Variants in HERC3 observed in about 807,000 individuals in gnomAD.
The protein encoded by HERC3 is HECT and RLD domain containing E3 ubiquitin protein ligase 3.
In HERC3, 58 loss-of-function variants were observed where a neutral mutation model predicts 129.9. The ratio of observed to expected loss-of-function variants is 0.45; its 90% CI spans 0.36 to 0.56. The LOEUF is 0.56. Ranked by LOEUF, HERC3 falls within the 20% of genes least tolerant of loss-of-function variation. The pLI, the probability that HERC3 is intolerant of heterozygous loss-of-function variation, is 0.00. For synonymous variants in HERC3, 430 were observed against 451.0 expected, an observed-to-expected ratio of 0.95 and a Z score of 0.59; for missense variants, 835 against 1,244.2, an observed-to-expected ratio of 0.67 and a Z score of 4.95.
the HERC3 span, among the ~76,000 whole-genome samples, chr4:88,566,689 G>T: frequency 6.6e-6 from 1 of 152,196 alleles, no homozygotes; most frequent in Non-Finnish European, 1.5e-5. Flanking sequence ...TGATGTGGAT[G>T]AAAACCCTCA....
At chr4:88,628,111 G>A (rs948223445) in intron 3 of HERC3, among the ~76,000 whole-genome samples, 2 of 151,998 alleles carry the variant, frequency 1.3e-5, no homozygotes, top group Admixed American at 6.6e-5. Flanking sequence ...TACTAATTTT[G>A]TATCTGCTTA....
At chr4:88,635,588 T>C (rs541189308) in intron 3 of HERC3, among the ~76,000 whole-genome samples, 2 of 152,234 alleles carry the variant, frequency 1.3e-5, no homozygotes, top group East Asian at 3.9e-4. Flanking sequence ...TTCAGGATAT[T>C]ATCCAGGAGA....
intron 23 of HERC3, among the ~76,000 whole-genome samples, chr4:88,698,249 C>T (rs1050033070): frequency 2.0e-5 from 3 of 152,216 alleles, no homozygotes; most frequent in African/African-American, 7.2e-5. Flanking sequence ...CTCCGCATTC[C>T]TCTCCATGCA....
chr4:88,558,326 C>T, the HERC3 span, among the ~76,000 whole-genome samples: 1 of 152,032 alleles, frequency 6.6e-6, no homozygotes, highest in South Asian at 2.1e-4. Flanking sequence ...AGCCACAAAA[C>T]AGAATGAAAT....
chr4:88,605,964 G>A lies in HERC3; in HGVS notation c.141G>A (p.Val47=), dbSNP rs774975672. 1.4e-5 allele frequency: 22 copies of A among 1,614,042 alleles called. No homozygotes were observed. The highest frequency in any genetic ancestry group is 1.8e-5 in the Non-Finnish European group (21 of 1,180,046). ...TGGCCTGTGGGGGAAACCACTCTGT[G>A]TTCCTGCTGGAAGATGGGGAAGTTT... ...KEVACGGNHS[V]FLLEDGEVYT... is the part of the protein sequence containing the mutation. Residue 47 remains valine, a synonymous_variant, in exon 3 of 26, where the codon GTG becomes GTA. Transcript: ENST00000402738.
At chr4:88,687,721 C>G (rs1733629077) in intron 23 of HERC3, among the ~76,000 whole-genome samples, 2 of 152,148 alleles carry the variant, frequency 1.3e-5, no homozygotes, top group African/African-American at 4.8e-5. Flanking sequence ...GAGTGCCTGG[C>G]ACAAAAATAC....
intron 4 of HERC3, among the ~76,000 whole-genome samples, chr4:88,650,786 T>C (rs537288099): frequency 1.3e-5 from 2 of 152,248 alleles, no homozygotes; most frequent in Non-Finnish European, 2.9e-5. Flanking sequence ...GATAATTGGA[T>C]GATTTATTTT....
chr4:88,626,443 C>T (rs1726108154), intron 3 of HERC3, among the ~76,000 whole-genome samples: 1 of 151,922 alleles, frequency 6.6e-6, no homozygotes, highest in African/African-American at 2.4e-5. Flanking sequence ...CTAGAGCTTT[C>T]TTTGTGGGGA....
At chr4:88,560,000 C>A in the HERC3 span, among the ~76,000 whole-genome samples, 1 of 149,216 alleles carries the variant, frequency 6.7e-6, no homozygotes, top group South Asian at 2.1e-4. Flanking sequence ...TGCTCTGTCG[C>A]CCAGGCTGGA....
intron 3 of HERC3, among the ~76,000 whole-genome samples, chr4:88,618,897 C>T (rs1292264775): frequency 1.3e-5 from 2 of 152,170 alleles, no homozygotes; most frequent in Non-Finnish European, 2.9e-5. Context: ...TTTAAATGAA[C>T]CATCAGCTTT....
intron 3 of HERC3, among the ~76,000 whole-genome samples, chr4:88,623,818 G>A (rs957569925): frequency 6.6e-6 from 1 of 152,174 alleles, no homozygotes; most frequent in East Asian, 1.9e-4. Context: ...TAATTTACAC[G>A]CAGTAGGAGT....
chr4:88,689,367 A>AT (rs1410974815), intron 23 of HERC3, among the ~76,000 whole-genome samples: 1 of 145,884 alleles, frequency 6.9e-6, no homozygotes, highest in Admixed American at 6.7e-5. Context: ...AAAAAAAAAA[A>AT]TTAGCCAGGT....
chr4:88,578,581 T>TAA, the HERC3 span, among the ~76,000 whole-genome samples: 1 of 114,240 alleles, frequency 8.8e-6, no homozygotes, highest in Non-Finnish European at 2.0e-5. Context: ...AACTCCATCA[T>TAA]AAAAAAAAAA....
chr4:88,619,092 T>A (rs531636371), intron 3 of HERC3, among the ~76,000 whole-genome samples: 2 of 152,338 alleles, frequency 1.3e-5, no homozygotes, highest in East Asian at 3.9e-4. Flanking sequence ...TTTTAGTTTG[T>A]TTGCTCTGTG....
At chr4:88,580,547 T>A in the HERC3 span, among the ~76,000 whole-genome samples, 8 of 152,038 alleles carry the variant, frequency 5.3e-5, no homozygotes, top group East Asian at 1.5e-3. Flanking sequence ...GGAAGTGGAA[T>A]TAATTTTCTG....
chr4:88,526,981 A>G, the HERC3 span, among the ~76,000 whole-genome samples: 12 of 151,670 alleles, frequency 7.9e-5, no homozygotes, highest in Admixed American at 1.3e-4. Context: ...GTCAATAAAC[A>G]TATTAAAAAA....
chr4:88,595,656 T>G (rs1320898285), intron 2 of HERC3, 42 bp downstream of exon 2: 1 of 152,102 alleles, frequency 6.6e-6, no homozygotes, highest in Non-Finnish European at 1.5e-5. Flanking sequence ...TTTCATCTTG[T>G]AAATGGAGTC....
chr4:88,582,634 G>T, the HERC3 span, among the ~76,000 whole-genome samples: 1 of 152,196 alleles, frequency 6.6e-6, no homozygotes, highest in East Asian at 1.9e-4. Flanking sequence ...AAGATTAAAA[G>T]TCATCACCAT....
At chr4:88,674,521 T>C (rs1175922439) in intron 16 of HERC3, among the ~76,000 whole-genome samples, 1 of 152,222 alleles carries the variant, frequency 6.6e-6, no homozygotes, top group African/African-American at 2.4e-5. Flanking sequence ...AATAGGCAGA[T>C]AATGCTTTGC....
Sources: allele counts gnomAD v4.1 joint callset (sites outside exome capture counted in the v4.1 genomes callset), GRCh38; gene constraint gnomAD v4.1.1; transcripts MANE v1.5; gene names NCBI Gene and HGNC (gene_info 2026-07-23, HGNC 2026-07-21).